Variants in BCAS3 observed in about 807,000 individuals in gnomAD.
BCAS3 encodes the protein BCAS3 microtubule associated cell migration factor.
A neutral mutation model predicts 116.1 loss-of-function variants in BCAS3; 53 were observed. That is an observed-to-expected ratio of 0.46 (90% CI 0.37 to 0.57). The LOEUF (loss-of-function observed/expected upper bound fraction) is 0.57. BCAS3 is among the 20% of genes least tolerant of loss of function. The pLI, the probability that BCAS3 is intolerant of heterozygous loss-of-function variation, is 0.00. For missense variants in BCAS3, 917 were observed against 1,165.4 expected, an observed-to-expected ratio of 0.79 and a Z score of 3.10; for synonymous variants, 391 against 408.2, an observed-to-expected ratio of 0.96 and a Z score of 0.51.
intron 5 of BCAS3, among the ~76,000 whole-genome samples, chr17:60,730,905 C>T (rs2040392821): frequency 1.3e-5 from 2 of 152,064 alleles, no homozygotes; most frequent in Admixed American, 1.3e-4. Context: ...GAGGGAGAGA[C>T]TGTCAGCTTT....
chr17:60,817,529 T>C (rs2049538338), intron 7 of BCAS3, among the ~76,000 whole-genome samples: 1 of 152,204 alleles, frequency 6.6e-6, no homozygotes, highest in Non-Finnish European at 1.5e-5. Context: ...AATCATAGAC[T>C]ATTGGAAGTG....
Position 61,151,665 on chromosome 17 carries a change from C to T in BCAS3, c.2425+67101C>T, listed in dbSNP as rs1031774010. 2.0e-5 allele frequency among the ~76,000 whole-genome samples: 3 copies of T among 152,092 alleles called. No homozygotes were observed. Among genetic ancestry groups the T allele is most frequent in the Admixed American group, 6.5e-5 (1 of 15,272 alleles). ...CAGAAACAAGTTCTCGCCATTTTAC[C>T]CAGACTGGTCTTGAATTCCTGGGCT... On this transcript the variant is annotated intron_variant, in intron 22 of 23. Coordinates refer to ENST00000407086, the MANE Select transcript of BCAS3 (RefSeq NM_017679.5). The surrounding 1 kb of genome is among the most constrained non-coding windows in gnomAD (Gnocchi z 4.8).
At chr17:61,119,002 T>A (rs982699850) in intron 22 of BCAS3, among the ~76,000 whole-genome samples, 16 of 152,316 alleles carry the variant, frequency 1.1e-4, no homozygotes, top group African/African-American at 3.4e-4. Flanking sequence ...TATTTTTAAA[T>A]GGATGGTTGG....
At chr17:60,868,527 T>A in intron 7 of BCAS3, 49 bp from the exon 8 acceptor site, 1 of 1,142,804 alleles carries the variant, frequency 8.8e-7, no homozygotes, top group Non-Finnish European at 1.2e-6. Context: ...AGATTATTGG[T>A]CTTTCTTTTT....
intron 13 of BCAS3, among the ~76,000 whole-genome samples, chr17:60,926,579 G>C (rs1419078523): frequency 2.6e-5 from 4 of 152,158 alleles, no homozygotes; most frequent in Non-Finnish European, 4.4e-5. Context: ...AATTCTGTGA[G>C]TGTTGTGGGA....
intron 11 of BCAS3, among the ~76,000 whole-genome samples, chr17:60,905,323 A>G (rs1291203592): frequency 6.6e-6 from 1 of 152,252 alleles, no homozygotes; most frequent in Non-Finnish European, 1.5e-5. Flanking sequence ...CTCAAGATCA[A>G]TGAGCATAAT....
At position 60,770,480 on chromosome 17, in the gene BCAS3, G is replaced by A. The variant is rs1305269380; in HGVS notation, c.403+23201G>A. Reference sequence around the variant, plus strand: ...TGTCACCAGGCTGGAGTGCAGTGGCGTGATCTCGGCTCACTGCAACCTCCG... The same window carrying A: ...TGTCACCAGGCTGGAGTGCAGTGGCATGATCTCGGCTCACTGCAACCTCCG... On this transcript the variant is annotated intron_variant, in intron 6 of 23. Coordinates refer to ENST00000407086, the MANE Select transcript of BCAS3 (RefSeq NM_017679.5). Among the ~76,000 whole-genome samples, 7 of 133,158 alleles carry A rather than the reference G, an allele frequency of 5.3e-5. No individual in the cohort carries two copies. In the East Asian group the frequency reaches 7.2e-4, roughly 14 times the overall value. The allele number at this position is 133,158 out of a possible 152,430, so 87.4% of individuals were successfully genotyped here.
intron 22 of BCAS3, among the ~76,000 whole-genome samples, chr17:61,319,152 C>T (rs1285590650): frequency 6.6e-6 from 1 of 152,166 alleles, no homozygotes; most frequent in Non-Finnish European, 1.5e-5. Context: ...CTCCCTCTAC[C>T]CCGGGCCTAC....
At chr17:60,997,504 T>C (rs73322778) in intron 15 of BCAS3, among the ~76,000 whole-genome samples, 23,395 of 152,152 alleles carry the variant, frequency 0.15, 5,708 homozygotes, top group African/African-American at 0.52. Context: ...GTGCAGGTAT[T>C]GGAGCTTTGA....
In BCAS3 at chr17:61,222,089, A is replaced by G. The variant is rs995869914; in HGVS notation, c.2425+137525A>G. On this transcript the variant is annotated intron_variant, in intron 22 of 23. Transcript: ENST00000407086. The surrounding 1 kb of genome is among the most constrained non-coding windows in gnomAD (Gnocchi z 6.1). ...GTACATATGATCCCTCTGTGTGTTC[A>G]AAGTGCATAATTTTAGGGAATTTGT... is the stretch of plus-strand genomic sequence containing the variant. 1.3e-5 allele frequency among the ~76,000 whole-genome samples: 2 copies of G among 152,210 alleles called. No individual in the cohort carries two copies. The highest frequency in any genetic ancestry group is 2.4e-5 in the African/African-American group (1 of 41,448).
chr17:60,886,206 T>G (rs1364515575), intron 9 of BCAS3, among the ~76,000 whole-genome samples: 2 of 144,832 alleles, frequency 1.4e-5, no homozygotes, highest in African/African-American at 5.2e-5. Context: ...CATCTTCCAT[T>G]GCTGATACCC....
chr17:60,977,409 T>C (rs980410459), intron 14 of BCAS3, among the ~76,000 whole-genome samples: 3 of 152,048 alleles, frequency 2.0e-5, no homozygotes, highest in Admixed American at 6.6e-5. Flanking sequence ...TCTCTCTGGC[T>C]TCAGGTGAAC....
chr17:60,772,481 A>G (rs1019974654), intron 6 of BCAS3, among the ~76,000 whole-genome samples: 1 of 152,170 alleles, frequency 6.6e-6, no homozygotes, highest in Non-Finnish European at 1.5e-5. Context: ...GGTAGATTGC[A>G]AATATTTTCT....
Position 61,215,441 on chromosome 17 carries a change from C to A in BCAS3, c.2425+130877C>A, listed in dbSNP as rs2081727869. Among the ~76,000 whole-genome samples the A allele has an allele frequency of 6.6e-6, 1 of 152,122 alleles. No homozygotes were observed. The highest frequency in any genetic ancestry group is 1.5e-5 in the Non-Finnish European group (1 of 68,028). ...CTACACTAGATGATTCCTGTCCTCC[C>A]TCTAGATTTGTAGTAATTCTATGAT... On this transcript the variant is annotated intron_variant, in intron 22 of 23. Coordinates refer to ENST00000407086, the MANE Select transcript of BCAS3 (RefSeq NM_017679.5). The surrounding 1 kb of genome is among the most constrained non-coding windows in gnomAD (Gnocchi z 4.8).
rs547066226 is a variant in BCAS3, at chr17:61,170,413, C to T, written c.2425+85849C>T. Among the ~76,000 whole-genome samples the T allele has an allele frequency of 5.3e-5, 8 of 152,178 alleles. No individual in the cohort carries two copies. The South Asian group carries it at 1.7e-3, about 32-fold the overall frequency. On this transcript the variant is annotated intron_variant, in intron 22 of 23. Coordinates refer to ENST00000407086, the MANE Select transcript of BCAS3 (RefSeq NM_017679.5). ...GTTCACACCATTCTCCTGCCTCAGC[C>T]TCCCAAGTGGCTGGGACTACGGGTG...
intron 22 of BCAS3, among the ~76,000 whole-genome samples, chr17:61,236,252 CAG>C (rs1382640844): frequency 1.3e-5 from 2 of 152,294 alleles, no homozygotes; most frequent in East Asian, 1.9e-4. Flanking sequence ...AGTGGGAGGA[CAG>C]GGGCAAGTTG....
intron 22 of BCAS3, among the ~76,000 whole-genome samples, chr17:61,110,195 T>C (rs2074963501): frequency 6.6e-6 from 1 of 152,198 alleles, no homozygotes; most frequent in South Asian, 2.1e-4. Flanking sequence ...GCACCATTTG[T>C]TGAAGAGTTT....
Position 60,866,132 on chromosome 17 carries a change from AT to A in BCAS3, c.477-2428del, listed in dbSNP as rs1406930410. On this transcript the variant is annotated intron_variant, in intron 7 of 23. Transcript: ENST00000407086. ...TTGTATTGCTGGATTTTATTTGCTA[AT>A]TTTTTTTTTTTTTTTGAGACAGAGT... is the stretch of plus-strand genomic sequence containing the variant. Among the ~76,000 whole-genome samples, 927 of 142,458 alleles carry A rather than the reference AT, an allele frequency of 6.5e-3. 1 individual carries two copies. The highest frequency in any genetic ancestry group is 0.013 in the African/African-American group (519 of 39,092). The allele number at this position is 142,458 out of a possible 152,430, so 93.5% of individuals were successfully genotyped here. A position where few individuals can be genotyped will look rare whatever the true frequency, so the allele number is the denominator to read the frequency against.
intron 13 of BCAS3, among the ~76,000 whole-genome samples, chr17:60,937,882 T>C (rs187747076): frequency 1.3e-5 from 2 of 152,378 alleles, no homozygotes; most frequent in East Asian, 1.9e-4. Flanking sequence ...TAATTTTTCC[T>C]TGAGGCTGGT....
Sources: allele counts gnomAD v4.1 joint callset (sites outside exome capture counted in the v4.1 genomes callset), GRCh38; gene constraint gnomAD v4.1.1; non-coding constraint Gnocchi (gnomAD v3.1); transcripts MANE v1.5; gene names NCBI Gene and HGNC (gene_info 2026-07-23, HGNC 2026-07-21).